The following ZMYM1 variants were observed in gnomAD, a reference collection of about 807,000 sequenced individuals.
The protein encoded by ZMYM1 is zinc finger MYM-type containing 1.
A neutral mutation model predicts 60.0 loss-of-function variants in ZMYM1; 39 were observed. That is an observed-to-expected ratio of 0.65 (90% confidence interval 0.50 to 0.85). The LOEUF (loss-of-function observed/expected upper bound fraction) is 0.85. Among genes scored for constraint, ZMYM1 ranks in the 40% least tolerant of loss-of-function variants. The probability of loss-of-function intolerance (pLI) is 0.00; values close to 1 mark genes in which losing one functional copy is unlikely to be tolerated. For synonymous variants in ZMYM1, 413 were observed against 454.0 expected (o/e 0.91, Z 1.15); for missense variants, 1,171 against 1,309.5 (o/e 0.89, Z 1.63).
At chr1:35,061,935 T>A (rs1477706496) in intron 1 of ZMYM1, among the ~76,000 whole-genome samples, 1 of 151,402 alleles carries the variant, frequency 6.6e-6, no homozygotes, top group African/African-American at 2.4e-5. Context: ...GTTCAAGTGA[T>A]CCTCCTGCCT....
chr1:35,098,305 A>C (rs540323091), intron 4 of ZMYM1, among the ~76,000 whole-genome samples: 1 of 152,300 alleles, frequency 6.6e-6, no homozygotes, highest in South Asian at 2.1e-4. Flanking sequence ...TCTCTATGTA[A>C]TCTTTTAAAA....
At chr1:35,074,650 AC>A (rs1289787461), upstream of ZMYM1, among the ~76,000 whole-genome samples, 1 of 150,812 alleles carries the variant, frequency 6.6e-6, no homozygotes, top group Non-Finnish European at 1.5e-5. Flanking sequence ...CTCGTGATCC[AC>A]CCGCCTCAGC....
chr1:35,102,014 A>G (rs1643686947), intron 4 of ZMYM1, among the ~76,000 whole-genome samples: 1 of 152,232 alleles, frequency 6.6e-6, no homozygotes, highest in Non-Finnish European at 1.5e-5. Context: ...CATATTTTTA[A>G]AAATTGATAA....
At chr1:35,072,104 A>G (rs2148478964) in intron 1 of ZMYM1, among the ~76,000 whole-genome samples, 1 of 152,358 alleles carries the variant, frequency 6.6e-6, no homozygotes, top group African/African-American at 2.4e-5. Flanking sequence ...ATTGCATTCC[A>G]GCCTGGGCAA....
intron 1 of ZMYM1, among the ~76,000 whole-genome samples, chr1:35,092,512 A>T (rs953625690): frequency 6.6e-6 from 1 of 151,980 alleles, no homozygotes; most frequent in Admixed American, 6.6e-5. Flanking sequence ...AAGTGCTGGG[A>T]TTACAGGCAT....
At chr1:35,080,389 C>T (rs1642321444) in intron 1 of ZMYM1, among the ~76,000 whole-genome samples, 1 of 150,170 alleles carries the variant, frequency 6.7e-6, no homozygotes, top group Non-Finnish European at 1.5e-5. Context: ...GATCACGGCT[C>T]ACAAGCAGCC....
downstream of ZMYM1, among the ~76,000 whole-genome samples, chr1:35,116,237 T>C (rs1442294223): frequency 2.0e-5 from 3 of 152,114 alleles, no homozygotes; most frequent in Non-Finnish European, 4.4e-5. Context: ...ACCTTATCTC[T>C]TTAAAACAAA....
At chr1:35,110,839 C>G (rs1389272216) in intron 7 of ZMYM1, among the ~76,000 whole-genome samples, 1 of 152,002 alleles carries the variant, frequency 6.6e-6, no homozygotes. Context: ...GAGGCTGAGA[C>G]AGGAGAATCA....
Position 35,111,881 on chromosome 1 carries a change from C to T in ZMYM1, c.1071C>T (p.Ala357=). The part of the protein sequence containing the change: ...NIVSLADTDV[A]LPIMNTDVLQ... ...TGTCATTGGCAGACACCGATGTTGC[C>T]TTGCCCATCATGAACACTGATGTCT... Residue 357 remains alanine, a synonymous_variant, in exon 8 of 10, where the codon GCC becomes GCT. Transcript: ENST00000359858. The T allele has an allele frequency of 6.3e-7, 1 of 1,599,974 alleles. No homozygotes were observed. Among genetic ancestry groups the T allele is most frequent in the South Asian group, 1.1e-5 (1 of 88,592 alleles).
intron 1 of ZMYM1, among the ~76,000 whole-genome samples, chr1:35,074,306 C>T (rs1323681572): frequency 6.6e-6 from 1 of 152,156 alleles, no homozygotes. Flanking sequence ...CTGGATAATG[C>T]TCAGTTGAGA....
intron 1 of ZMYM1, among the ~76,000 whole-genome samples, chr1:35,070,466 T>C (rs1395472452): frequency 3.9e-5 from 6 of 152,192 alleles, no homozygotes; most frequent in Admixed American, 3.9e-4. Flanking sequence ...TGTTTATTGG[T>C]TCTAACAGAT....
At chr1:35,087,466 G>T (rs192935942) in intron 1 of ZMYM1, among the ~76,000 whole-genome samples, 19 of 146,582 alleles carry the variant, frequency 1.3e-4, no homozygotes, top group African/African-American at 4.6e-4. Flanking sequence ...CGCTCTTCTT[G>T]CCCAGGCTGG....
intron 1 of ZMYM1, among the ~76,000 whole-genome samples, chr1:35,081,245 T>C (rs1040203034): frequency 6.6e-6 from 1 of 152,200 alleles, no homozygotes; most frequent in Non-Finnish European, 1.5e-5. Flanking sequence ...CAAAGTGTAA[T>C]GTATAAAGAA....
intron 1 of ZMYM1, among the ~76,000 whole-genome samples, chr1:35,090,500 C>G (rs973198223): frequency 1.3e-5 from 2 of 152,092 alleles, no homozygotes; most frequent in Non-Finnish European, 2.9e-5. Flanking sequence ...CAAAACTGCA[C>G]GTTCTGCACA....
upstream of ZMYM1, among the ~76,000 whole-genome samples, chr1:35,074,768 C>T (rs1253137759): frequency 6.6e-6 from 1 of 152,014 alleles, no homozygotes; most frequent in Admixed American, 6.6e-5. Context: ...GTTGAAGTCC[C>T]GTACTGTTAT....
In ZMYM1 at chr1:35,098,682, A is replaced by G. The variant is rs528864106; in HGVS notation, c.419+1116A>G. ...AGCACTTAGGGAGGCCGAGGTGGGC[A>G]GAATGCCTGAGCTCAGGAGTTTGAG... On this transcript the variant is annotated intron_variant, in intron 4 of 9. Transcript: ENST00000359858. 3.6e-4 allele frequency among the ~76,000 whole-genome samples: 55 copies of G among 152,232 alleles called. No homozygotes were observed. The South Asian group carries it at 0.011, about 30-fold the overall frequency.
chr1:35,110,143 G>A (rs1644036581), intron 6 of ZMYM1, 151 bp from the exon 7 acceptor site: 1 of 480,918 alleles, frequency 2.1e-6, no homozygotes, highest in East Asian at 3.6e-5. Flanking sequence ...TTTAGTTATT[G>A]CAATCTGTAG....
At chr1:35,070,649 G>C (rs540736547) in intron 1 of ZMYM1, among the ~76,000 whole-genome samples, 1 of 152,160 alleles carries the variant, frequency 6.6e-6, no homozygotes, top group Non-Finnish European at 1.5e-5. Flanking sequence ...ATGATGAATA[G>C]GAGTGGTGAA....
intron 1 of ZMYM1, 92 bp downstream of exon 1, chr1:35,079,534 G>A (rs1332090987): frequency 6.6e-6 from 1 of 152,390 alleles, no homozygotes; most frequent in Non-Finnish European, 1.5e-5. Flanking sequence ...GAGGGAGGAT[G>A]ACGCGCCGGG....
Sources: gnomAD v4.1 joint callset for allele counts (sites outside exome capture counted in the v4.1 genomes callset) on GRCh38, gnomAD v4.1.1 for gene constraint, MANE v1.5 for transcripts, NCBI Gene and HGNC (gene_info 2026-07-23, HGNC 2026-07-21) for gene names.